Variants in GLS2 observed in about 807,000 individuals in gnomAD.
GLS2 encodes the protein glutaminase 2, also known as glutaminase liver isoform, mitochondrial.
A neutral mutation model predicts 79.0 loss-of-function variants in GLS2; 52 were observed. That is an observed-to-expected ratio of 0.66 (90% CI 0.53 to 0.83). The LOEUF (loss-of-function observed/expected upper bound fraction) is 0.83. GLS2 is among the 40% of genes least tolerant of loss of function. GLS2 has a pLI of 0.00. For synonymous variants in GLS2, 238 were observed against 280.8 expected (o/e 0.85, Z 1.52); for missense variants, 561 against 764.8 (o/e 0.73, Z 3.14).
intron 2 of GLS2, 36 bp from the exon 3 acceptor site, chr12:56,479,937 C>T (rs1316597276): frequency 4.4e-6 from 7 of 1,607,330 alleles, no homozygotes; most frequent in Non-Finnish European, 5.1e-6. Context: ...AGGTCAGCTA[C>T]AAGGACAGTG....
Position 56,471,800 on chromosome 12 carries a change from C to A in GLS2, c.1625G>T (p.Cys542Phe), listed in dbSNP as rs527513187. Residue 542 changes from cysteine (C) to phenylalanine (F), a missense_variant, in exon 17 of 18, where the codon TGC becomes TTC. This residue lies in a region of GLS2 where 136 missense variants were observed against 228.6 expected (regional missense o/e 0.59). Coordinates refer to ENST00000311966, the MANE Select transcript of GLS2 (RefSeq NM_013267.4). ...IEVVKFLIEA[C>F]KVNPFAKDRW... ...GTCCTTGGCAAAAGGATTCACTTTGCAAGCCTCGATCAGGAATTTAACAAC... is the reference window on the plus strand; with the variant it reads ...GTCCTTGGCAAAAGGATTCACTTTGAAAGCCTCGATCAGGAATTTAACAAC... 5 of 1,614,102 alleles carry A rather than the reference C, an allele frequency of 3.1e-6. No homozygotes were observed. In the East Asian group the frequency reaches 1.1e-4, roughly 36 times the overall value.
chr12:56,479,642 C>G, intron 3 of GLS2, 138 bp downstream of exon 3: 1 of 1,011,222 alleles, frequency 9.9e-7, no homozygotes, highest in Non-Finnish European at 1.4e-6. Flanking sequence ...GATGAGTATT[C>G]ATGTATAACT....
chr12:56,472,156 A>G lies in GLS2; in HGVS notation c.1551T>C (p.Tyr517=), dbSNP rs753788045. ...CAACATGCAGAGCTGTGCGCGAGTC[A>G]TAGTCTTTCTGTTCCATATCCATGG... ...LSAMDMEQKD[Y]DSRTALHVAA... is the part of the protein sequence containing the mutation. The change falls in exon 16 of 18, where the codon TAT becomes TAC. Residue 517 remains tyrosine, a synonymous_variant. Transcript: ENST00000311966. 2.5e-6 allele frequency: 4 copies of G among 1,614,192 alleles called. No individual in the cohort carries two copies. Among genetic ancestry groups the G allele is most frequent in the Non-Finnish European group, 2.5e-6 (3 of 1,180,030 alleles).
At chr12:56,481,259 G>A (rs960633639) in intron 1 of GLS2, among the ~76,000 whole-genome samples, 31 of 135,130 alleles carry the variant, frequency 2.3e-4, no homozygotes, top group Admixed American at 5.1e-4. Flanking sequence ...AGGCTGGAGC[G>A]CAATGGCGCG....
chr12:56,475,214 A>T (rs1397193146), intron 9 of GLS2, 104 bp from the exon 10 acceptor site: 1 of 1,601,968 alleles, frequency 6.2e-7, no homozygotes, highest in Admixed American at 1.7e-5. Context: ...CACACCACAA[A>T]CTAAATGAAC....
At chr12:56,472,542 TCC>T (rs544317888) in intron 15 of GLS2, 146 bp downstream of exon 15, 2 of 696,052 alleles carry the variant, frequency 2.9e-6, no homozygotes, top group African/African-American at 3.6e-5. Flanking sequence ...AAAAAAAATC[TCC>T]TTTTTTAAAA....
intron 3 of GLS2, 39 bp from the exon 4 acceptor site, chr12:56,479,220 A>G (rs1019874143): frequency 3.7e-6 from 6 of 1,607,004 alleles, no homozygotes; most frequent in Non-Finnish European, 5.1e-6. Flanking sequence ...GGCTAGAGAA[A>G]TGCAGCTGGG....
chr12:56,479,784 G>T lies in GLS2; in HGVS notation c.400C>A (p.Arg134=), dbSNP rs750264526. ...CCTTGTTTCTGGGGCCCTCACTTTC[G>T]GAAGAGATCTCGGTCCAAGAGGCCA... ...SGGLLDRDLF[R]KCVSSNIVLL... is the part of the protein sequence containing the mutation. Residue 134 remains arginine, a synonymous_variant, in exon 3 of 18, where the codon CGA becomes AGA. Coordinates refer to ENST00000311966, the MANE Select transcript of GLS2 (RefSeq NM_013267.4). 57 of 1,596,282 alleles carry T rather than the reference G, an allele frequency of 3.6e-5. No individual in the cohort carries two copies. Among genetic ancestry groups the T allele is most frequent in the Non-Finnish European group, 4.8e-5 (56 of 1,168,500 alleles).
At chr12:56,487,009 A>C (rs942093544) in intron 1 of GLS2, among the ~76,000 whole-genome samples, 1 of 151,574 alleles carries the variant, frequency 6.6e-6, no homozygotes, top group Non-Finnish European at 1.5e-5. Flanking sequence ...CAGTCTGGCT[A>C]CTTTACTGAT....
At position 56,475,027 on chromosome 12, in the gene GLS2, C is replaced by T. The variant is rs111732164; in HGVS notation, c.996+17G>A. 2.4e-5 allele frequency: 39 copies of T among 1,614,070 alleles called. No individual in the cohort carries two copies. The highest frequency in any genetic ancestry group is 1.7e-4 in the Middle Eastern group (1 of 5,976). ...CAGAATTCCCAGGGACTTTCTCTTCCGGCCTCTTCTGGTTACCTTCTTTTC... is the reference window on the plus strand; with the variant it reads ...CAGAATTCCCAGGGACTTTCTCTTCTGGCCTCTTCTGGTTACCTTCTTTTC... On this transcript the variant is annotated intron_variant, in intron 10 of 17. Coordinates refer to ENST00000311966, the MANE Select transcript of GLS2 (RefSeq NM_013267.4).
chr12:56,480,186 T>C, intron 2 of GLS2, 102 bp downstream of exon 2: 1 of 1,005,650 alleles, frequency 9.9e-7, no homozygotes, highest in Non-Finnish European at 1.5e-6. Flanking sequence ...TTCACCCTCA[T>C]GTAGCAACCC....
chr12:56,482,186 G>C (rs1402998378), intron 1 of GLS2, among the ~76,000 whole-genome samples: 2 of 150,268 alleles, frequency 1.3e-5, no homozygotes, highest in Admixed American at 1.3e-4. Context: ...AGTCGAGATT[G>C]TGCCACTGCA....
chr12:56,486,562 C>T (rs545734667), intron 1 of GLS2, among the ~76,000 whole-genome samples: 9 of 152,210 alleles, frequency 5.9e-5, no homozygotes, highest in African/African-American at 1.9e-4. Context: ...AGAAAAGGGC[C>T]GGGCGTGGTG....
intron 4 of GLS2, chr12:56,478,847 G>A (rs1286893269): frequency 1.5e-5 from 8 of 548,260 alleles, no homozygotes; most frequent in Non-Finnish European, 2.2e-5. Context: ...ACAAAAATTA[G>A]TCGGGCATGG....
At chr12:56,472,566 A>G in intron 15 of GLS2, 124 bp downstream of exon 15, 1 of 841,538 alleles carries the variant, frequency 1.2e-6, no homozygotes, top group Non-Finnish European at 1.9e-6. Context: ...AATTTCATTT[A>G]AATGCAATCT....
chr12:56,480,984 T>C (rs751971684), intron 1 of GLS2, among the ~76,000 whole-genome samples: 6 of 152,230 alleles, frequency 3.9e-5, no homozygotes, highest in Non-Finnish European at 5.9e-5. Context: ...TAGTAATGTC[T>C]ACTTCACCTG....
At position 56,487,813 on chromosome 12, in the gene GLS2, G is replaced by T. The variant is rs926172548; in HGVS notation, c.182+124C>A. 27 of 1,155,178 alleles carry T rather than the reference G, an allele frequency of 2.3e-5. No individual in the cohort carries two copies. The South Asian group carries it at 4.2e-4, about 18-fold the overall frequency. 71.6% of individuals were successfully genotyped at this position (1,155,178 alleles called of 1,614,324 possible). ...CCCCACATCCAAAGGAAAAGGCACC[G>T]AGGGCTAGTGAGCGAGGAGAGGGGA... is the stretch of plus-strand genomic sequence containing the variant. On this transcript the variant is annotated intron_variant, in intron 1 of 17. Transcript: ENST00000311966.
chr12:56,486,609 G>A (rs1025575443), intron 1 of GLS2, among the ~76,000 whole-genome samples: 6 of 152,210 alleles, frequency 3.9e-5, no homozygotes, highest in African/African-American at 1.4e-4. Flanking sequence ...GGGAGGCTGA[G>A]GCAGGCGGAT....
intron 1 of GLS2, chr12:56,487,557 G>T (rs1870783923): frequency 6.8e-6 from 2 of 294,452 alleles, no homozygotes; most frequent in Admixed American, 9.9e-5. Flanking sequence ...GAGGCAGGAG[G>T]CTGTTCCACA....
Sources: gnomAD v4.1 joint callset for allele counts (sites outside exome capture counted in the v4.1 genomes callset) on GRCh38, gnomAD v4.1.1 for gene constraint, gnomAD v4.1.1 regional missense constraint, MANE v1.5 for transcripts, NCBI Gene and HGNC (gene_info 2026-07-23, HGNC 2026-07-21) for gene names.